Variants in MTMR6 observed in about 807,000 individuals in gnomAD.
MTMR6 encodes the protein myotubularin related protein 6.
A neutral mutation model predicts 80.1 loss-of-function variants in MTMR6; 47 were observed. That is an observed-to-expected ratio of 0.59 (90% CI 0.46 to 0.75). The LOEUF (loss-of-function observed/expected upper bound fraction) is 0.75. MTMR6 is among the 30% of genes least tolerant of loss of function. The pLI is 0.00. For synonymous variants in MTMR6, 254 were observed against 253.0 expected (o/e 1.00, Z -0.04); for missense variants, 629 against 730.9 (o/e 0.86, Z 1.61).
chr13:25,285,359 T>C (rs1957932466), intron 1 of MTMR6, among the ~76,000 whole-genome samples: 1 of 151,556 alleles, frequency 6.6e-6, no homozygotes. Flanking sequence ...TCAGATTCAG[T>C]TTACTTTTAC....
At chr13:25,267,420 T>C (rs925219605) in intron 3 of MTMR6, among the ~76,000 whole-genome samples, 1 of 152,170 alleles carries the variant, frequency 6.6e-6, no homozygotes, top group Non-Finnish European at 1.5e-5. Flanking sequence ...CTTCCTTTTA[T>C]CATTCCGTAA....
chr13:25,279,274 T>C (rs903136370), intron 1 of MTMR6, among the ~76,000 whole-genome samples: 2 of 152,168 alleles, frequency 1.3e-5, no homozygotes, highest in Non-Finnish European at 2.9e-5. Flanking sequence ...TGAGTCCTCA[T>C]GAGTTCTAAT....
At chr13:25,254,917 A>G (rs1209291943) in intron 9 of MTMR6, among the ~76,000 whole-genome samples, 1 of 152,130 alleles carries the variant, frequency 6.6e-6, no homozygotes, top group Non-Finnish European at 1.5e-5. Context: ...TAAAAAGACC[A>G]ATTATTTTAA....
Position 25,251,417 on chromosome 13 carries a change from T to C in MTMR6, c.1605+232A>G, listed in dbSNP as rs12146939. On this transcript the variant is annotated intron_variant, in intron 13 of 13. Coordinates refer to ENST00000381801, the MANE Select transcript of MTMR6 (RefSeq NM_004685.5). This position sits in a 1 kb window ranked among gnomAD's most constrained non-coding sequence, Gnocchi z 4.1. ...AGCTAGCTGGTGGGTACACAGATAGTTATTATGTTTATCTATACGTTATGC... is the reference window on the plus strand; with the variant it reads ...AGCTAGCTGGTGGGTACACAGATAGCTATTATGTTTATCTATACGTTATGC... Among the ~76,000 whole-genome samples the C allele has an allele frequency of 1.2e-3, 176 of 152,292 alleles. 1 individual carries two copies. The Middle Eastern group carries it at 0.014, about 12-fold the overall frequency.
At chr13:25,268,071 T>G (rs1957495836) in intron 2 of MTMR6, 130 bp from the exon 3 acceptor site, 1 of 843,716 alleles carries the variant, frequency 1.2e-6, no homozygotes, top group Admixed American at 3.3e-5. Context: ...AAACTTCACG[T>G]TTTTAAAATG....
At chr13:25,278,880 G>C (rs577621984) in intron 1 of MTMR6, among the ~76,000 whole-genome samples, 1 of 152,114 alleles carries the variant, frequency 6.6e-6, no homozygotes, top group South Asian at 2.1e-4. Context: ...GCGAGACTCT[G>C]TCATAAAATA....
At chr13:25,264,281 A>G (rs1295009306) in intron 5 of MTMR6, among the ~76,000 whole-genome samples, 2 of 152,056 alleles carry the variant, frequency 1.3e-5, no homozygotes, top group East Asian at 3.9e-4. Flanking sequence ...AAAATGAAAA[A>G]TAAAGGAGAA....
chr13:25,282,797 G>C (rs577354101), intron 1 of MTMR6, among the ~76,000 whole-genome samples: 31 of 151,570 alleles, frequency 2.0e-4, no homozygotes, highest in African/African-American at 6.0e-4. Context: ...AGTAAGACAG[G>C]GTTTCACCAT....
At chr13:25,257,927 G>T in intron 7 of MTMR6, 82 bp from the exon 8 acceptor site, 2 of 921,350 alleles carry the variant, frequency 2.2e-6, no homozygotes, top group Non-Finnish European at 3.2e-6. Context: ...CTAGATAAGT[G>T]AATGAAGAAA....
In MTMR6 at chr13:25,257,844, G is replaced by T; in HGVS notation, c.861C>A (p.Val287=). The T allele has an allele frequency of 1.2e-6, 2 of 1,603,900 alleles. No homozygotes were observed. The highest frequency in any genetic ancestry group is 1.1e-5 in the South Asian group (1 of 90,228). ...MRSSLQKLLE[V]NGTKGLSVND... Reference sequence around the variant, plus strand: ...TGACAGAAAGCCCTTTAGTGCCATTGACTGAAAGAGGTATAAAAATATTTC... The same window carrying T: ...TGACAGAAAGCCCTTTAGTGCCATTTACTGAAAGAGGTATAAAAATATTTC... Residue 287 remains valine, a splice_region_variant and synonymous_variant, in exon 8 of 14, where the codon GTC becomes GTA. Transcript: ENST00000381801.
chr13:25,274,961 TACACACACACACAC>T (rs71077456), intron 1 of MTMR6, among the ~76,000 whole-genome samples: 36 of 105,042 alleles, frequency 3.4e-4, no homozygotes, highest in Middle Eastern at 6.0e-3. Flanking sequence ...CACACACACA[TACACACACACACAC>T]ACACACACAC....
At chr13:25,265,306 C>G (rs780916717) in intron 5 of MTMR6, among the ~76,000 whole-genome samples, 29 of 152,250 alleles carry the variant, frequency 1.9e-4, no homozygotes, top group Non-Finnish European at 3.4e-4. Context: ...TTTCAAGTCA[C>G]TGCTGGAAGG....
chr13:25,269,921 C>T (rs957526349), intron 2 of MTMR6, among the ~76,000 whole-genome samples: 5 of 152,010 alleles, frequency 3.3e-5, no homozygotes, highest in Admixed American at 6.6e-5. Flanking sequence ...CTAATAATAA[C>T]ATTTAAACAG....
intron 9 of MTMR6, among the ~76,000 whole-genome samples, chr13:25,255,386 TTC>T (rs1957178447): frequency 6.6e-6 from 1 of 152,240 alleles, no homozygotes; most frequent in East Asian, 1.9e-4. Flanking sequence ...ACTAAATGTA[TTC>T]TTTGGCTTAT....
intron 1 of MTMR6, among the ~76,000 whole-genome samples, chr13:25,284,480 A>G (rs1383708988): frequency 6.6e-6 from 1 of 152,182 alleles, no homozygotes; most frequent in African/African-American, 2.4e-5. Flanking sequence ...AATTGGCTAT[A>G]TTGACATATA....
At chr13:25,252,752 G>A (rs1355781227) in intron 11 of MTMR6, among the ~76,000 whole-genome samples, 1 of 152,120 alleles carries the variant, frequency 6.6e-6, no homozygotes, top group Non-Finnish European at 1.5e-5. Context: ...TTACCTCTGT[G>A]CTCCAAATTA....
At chr13:25,276,095 ACTC>A (rs1255082681) in intron 1 of MTMR6, among the ~76,000 whole-genome samples, 2 of 152,096 alleles carry the variant, frequency 1.3e-5, no homozygotes, top group African/African-American at 4.8e-5. Context: ...ACTACTGTTT[ACTC>A]CTCTTCATTG....
Position 25,266,131 on chromosome 13 carries a change from T to C in MTMR6, c.460A>G (p.Lys154Glu), listed in dbSNP as rs1206914919. 2 of 1,613,620 alleles carry C rather than the reference T, an allele frequency of 1.2e-6. No homozygotes were observed. The highest frequency in any genetic ancestry group is 1.1e-5 in the South Asian group (1 of 90,932). Residue 154 changes from lysine to glutamate, a missense_variant and splice_region_variant, in exon 4 of 14, where the codon AAG becomes GAG. Transcript: ENST00000381801. ...WQLSDANRDY[K>E]ICETYPRELY... is the part of the protein sequence containing the mutation. ...TCTCCAAAATGTTGTTAAGGTACCT[T>C]GTAGTCCCGGTTGGCATCAGACAAC...
intron 1 of MTMR6, among the ~76,000 whole-genome samples, chr13:25,278,373 A>G (rs974053303): frequency 6.6e-6 from 1 of 152,136 alleles, no homozygotes; most frequent in African/African-American, 2.4e-5. Context: ...TAAGGCAATC[A>G]CTTGAGCCCA....
Sources: allele counts gnomAD v4.1 joint callset (sites outside exome capture counted in the v4.1 genomes callset), GRCh38; gene constraint gnomAD v4.1.1; non-coding constraint Gnocchi (gnomAD v3.1); transcripts MANE v1.5; gene names NCBI Gene and HGNC (gene_info 2026-07-23, HGNC 2026-07-21).